Variants in SHLD1 observed in about 807,000 individuals in gnomAD.
The protein encoded by SHLD1 is RINN1-REV7-interacting novel NHEJ regulator 3.
A neutral mutation model predicts 5.5 loss-of-function variants in SHLD1; 3 were observed. The ratio of observed to expected loss-of-function variants is 0.54; its 90% CI spans 0.25 to 1.40. The LOEUF (loss-of-function observed/expected upper bound fraction) is 1.40. Ranked by LOEUF, SHLD1 falls within the 40% of genes most tolerant of loss-of-function variation. SHLD1 has a pLI of 0.15. For synonymous variants in SHLD1, 92 were observed against 94.3 expected (o/e 0.98, Z 0.14); for missense variants, 210 against 244.4 (o/e 0.86, Z 0.94).
intron 2 of SHLD1, among the ~76,000 whole-genome samples, chr20:5,790,122 G>A (rs147769048): frequency 6.6e-6 from 1 of 152,278 alleles, no homozygotes; most frequent in East Asian, 1.9e-4. Context: ...CCCTGGGCCA[G>A]AGCCTCCCTC....
intron 1 of SHLD1, among the ~76,000 whole-genome samples, chr20:5,752,701 C>G (rs951780573): frequency 6.7e-6 from 1 of 149,994 alleles, no homozygotes; most frequent in African/African-American, 2.5e-5. Context: ...ACTGCAACCT[C>G]TGCTTCCCAG....
intron 2 of SHLD1, among the ~76,000 whole-genome samples, chr20:5,827,363 C>T (rs2087678524): frequency 6.6e-6 from 1 of 152,218 alleles, no homozygotes; most frequent in Non-Finnish European, 1.5e-5. Context: ...AGGGCAAGGG[C>T]AGCCATCAGC....
chr20:5,854,429 T>C (rs1345501332), intron 2 of SHLD1, among the ~76,000 whole-genome samples: 1 of 152,190 alleles, frequency 6.6e-6, no homozygotes, highest in Non-Finnish European at 1.5e-5. Context: ...ATTACAGGTG[T>C]GAGCCACAGC....
intron 1 of SHLD1, among the ~76,000 whole-genome samples, chr20:5,751,048 A>G (rs1983719188): frequency 6.6e-6 from 1 of 152,170 alleles, no homozygotes; most frequent in Non-Finnish European, 1.5e-5. Context: ...TGTTGTTGAC[A>G]GAATTGTGCA....
chr20:5,753,101 C>A (rs79023369), intron 1 of SHLD1, among the ~76,000 whole-genome samples: 1 of 152,022 alleles, frequency 6.6e-6, no homozygotes, highest in African/African-American at 2.4e-5. Flanking sequence ...ACCTGGCCGA[C>A]ATAAAATATT....
chr20:5,853,725 ATTCCC>A (rs2088042255), intron 2 of SHLD1, among the ~76,000 whole-genome samples: 1 of 151,992 alleles, frequency 6.6e-6, no homozygotes, highest in Non-Finnish European at 1.5e-5. Context: ...TTGCCTGGGT[ATTCCC>A]TAGACTATGT....
rs1600178718 is a variant in SHLD1, at chr20:5,850,390, T to C, written c.179-12634T>C. ...CCTTCCAGACCACCTCTCACTAGGCTCTTGGGCATTCTCATGTCTGCACCT... is the reference window on the plus strand; with the variant it reads ...CCTTCCAGACCACCTCTCACTAGGCCCTTGGGCATTCTCATGTCTGCACCT... On this transcript the variant is annotated intron_variant, in intron 2 of 2. Coordinates refer to ENST00000303142, the MANE Select transcript of SHLD1 (RefSeq NM_152504.4). 2.0e-5 allele frequency among the ~76,000 whole-genome samples: 3 copies of C among 152,158 alleles called. No homozygotes were observed. The South Asian group carries it at 6.2e-4, about 32-fold the overall frequency.
chr20:5,764,890 ACTT>A (rs1984738308), intron 1 of SHLD1, among the ~76,000 whole-genome samples: 1 of 152,014 alleles, frequency 6.6e-6, no homozygotes, highest in Admixed American at 6.6e-5. Context: ...AAGTGAAATC[ACTT>A]CTTATGTGTG....
At chr20:5,858,626 G>C (rs1395020882) in intron 2 of SHLD1, among the ~76,000 whole-genome samples, 2 of 152,186 alleles carry the variant, frequency 1.3e-5, no homozygotes, top group African/African-American at 2.4e-5. Flanking sequence ...TTGAGGCCAG[G>C]AGTTCGAGAC....
In SHLD1 at chr20:5,855,525, C is replaced by A. The variant is rs778475262; in HGVS notation, c.179-7499C>A. On this transcript the variant is annotated intron_variant, in intron 2 of 2. Transcript: ENST00000303142. The surrounding 1 kb of genome is among the most constrained non-coding windows in gnomAD (Gnocchi z 4.4). Reference sequence around the variant, plus strand: ...TAGCTGGGACTACAGGTGCATGTCACCACGCCTGGCTAATTTTTGTATTTT... The same window carrying A: ...TAGCTGGGACTACAGGTGCATGTCAACACGCCTGGCTAATTTTTGTATTTT... Among the ~76,000 whole-genome samples the A allele has an allele frequency of 9.9e-5, 15 of 152,066 alleles. No homozygotes were observed. Among genetic ancestry groups the A allele is most frequent in the Non-Finnish European group, 1.9e-4 (13 of 68,014 alleles).
intron 1 of SHLD1, among the ~76,000 whole-genome samples, chr20:5,756,259 T>C (rs1396207456): frequency 6.6e-6 from 1 of 151,860 alleles, no homozygotes; most frequent in Non-Finnish European, 1.5e-5. Flanking sequence ...GAGATCAGCC[T>C]GGGCAATATA....
intron 2 of SHLD1, among the ~76,000 whole-genome samples, chr20:5,815,322 G>A (rs1322540829): frequency 6.6e-6 from 1 of 152,194 alleles, no homozygotes; most frequent in Non-Finnish European, 1.5e-5. Context: ...CTTCTAATAT[G>A]CAGCCACGCT....
intron 1 of SHLD1, among the ~76,000 whole-genome samples, chr20:5,757,989 G>C (rs1984219618): frequency 6.6e-6 from 1 of 152,136 alleles, no homozygotes; most frequent in Admixed American, 6.6e-5. Flanking sequence ...TATGTTGCTA[G>C]ATTTGATTTC....
chr20:5,762,929 C>T (rs113591782), intron 1 of SHLD1, among the ~76,000 whole-genome samples: 4,181 of 146,808 alleles, frequency 0.028, 78 homozygotes, highest in Non-Finnish European at 0.042. Flanking sequence ...GCCGAGATCG[C>T]GCCGTTGCAC....
chr20:5,815,400 A>G (rs1235587945), intron 2 of SHLD1, among the ~76,000 whole-genome samples: 3 of 152,170 alleles, frequency 2.0e-5, no homozygotes, highest in Non-Finnish European at 4.4e-5. Context: ...CAGGGATCCT[A>G]TTAAAATACA....
intron 2 of SHLD1, among the ~76,000 whole-genome samples, chr20:5,807,038 C>A (rs2087387629): frequency 6.6e-6 from 1 of 152,226 alleles, no homozygotes; most frequent in Non-Finnish European, 1.5e-5. Flanking sequence ...GGCCCATGCC[C>A]ACTGCTTTCA....
At position 5,798,627 on chromosome 20, in the gene SHLD1, T is replaced by C. The variant is rs2087246624; in HGVS notation, c.178+25584T>C. 8.1e-5 allele frequency among the ~76,000 whole-genome samples: 12 copies of C among 147,952 alleles called. No individual in the cohort carries two copies. In the Admixed American group the frequency reaches 8.1e-4, roughly 10 times the overall value. Reference sequence around the variant, plus strand: ...TAACATTTTAGTTTTCTTTTTTTTTTTTTTTTTTGAGACGGAGTCTTACTC... The same window carrying C: ...TAACATTTTAGTTTTCTTTTTTTTTCTTTTTTTTGAGACGGAGTCTTACTC... On this transcript the variant is annotated intron_variant, in intron 2 of 2. Coordinates refer to ENST00000303142, the MANE Select transcript of SHLD1 (RefSeq NM_152504.4).
Position 5,863,501 on chromosome 20 carries a change from C to G in SHLD1, c.*38C>G, listed in dbSNP as rs1327749504. On this transcript the variant is annotated 3_prime_UTR_variant, in exon 3 of 3. Transcript: ENST00000303142. ...AGTGTGCAGGGTAGTAATGGAGGTG[C>G]TGTGCCATGACCAGCAGTGTTGGTG... 3.9e-6 allele frequency: 6 copies of G among 1,551,754 alleles called. No homozygotes were observed. The highest frequency in any genetic ancestry group is 5.2e-6 in the Non-Finnish European group (6 of 1,148,996).
chr20:5,861,124 A>T (rs1165937463), intron 2 of SHLD1, among the ~76,000 whole-genome samples: 1 of 152,188 alleles, frequency 6.6e-6, no homozygotes, highest in Non-Finnish European at 1.5e-5. Context: ...CCAAGGAGAC[A>T]TTTAGTTTCT....
Sources: gnomAD v4.1 joint callset for allele counts (sites outside exome capture counted in the v4.1 genomes callset) on GRCh38, gnomAD v4.1.1 for gene constraint, Gnocchi (gnomAD v3.1) non-coding constraint, MANE v1.5 for transcripts, NCBI Gene and HGNC (gene_info 2026-07-23, HGNC 2026-07-21) for gene names.